PCSK5: variants seen among roughly 807,000 people sequenced by gnomAD.
PCSK5 encodes the protein proprotein convertase subtilisin/kexin type 5.
PCSK5 carries 129 observed loss-of-function variants against 233.2 expected under a neutral mutation model. The observed-to-expected ratio is 0.55, with a 90% CI of 0.48 to 0.64. The LOEUF is 0.64. Among genes scored for constraint, PCSK5 ranks in the 30% least tolerant of loss-of-function variants. The pLI is 0.00. For synonymous variants in PCSK5, 825 were observed against 879.2 expected (o/e 0.94, Z 1.09); for missense variants, 2,076 against 2,430.1 (o/e 0.85, Z 3.06).
intron 2 of PCSK5, among the ~76,000 whole-genome samples, chr9:75,952,729 T>C (rs1266450051): frequency 6.6e-6 from 1 of 152,218 alleles, no homozygotes; most frequent in Non-Finnish European, 1.5e-5. Context: ...ATGTAGTCTT[T>C]TGAGTCTGCA....
intron 8 of PCSK5, among the ~76,000 whole-genome samples, chr9:76,098,216 T>C (rs1273334121): frequency 6.6e-6 from 1 of 152,244 alleles, no homozygotes; most frequent in African/African-American, 2.4e-5. Context: ...GTCCCCATCT[T>C]TCCCTAATTG....
chr9:76,205,044 A>C, intron 20 of PCSK5: 1 of 508,038 alleles, frequency 2.0e-6, no homozygotes, highest in Admixed American at 2.0e-5. Context: ...CTAAGGGGTT[A>C]TATAACTACC....
intron 34 of PCSK5, among the ~76,000 whole-genome samples, chr9:76,335,116 C>T (rs1254198158): frequency 6.6e-6 from 1 of 152,128 alleles, no homozygotes; most frequent in African/African-American, 2.4e-5. Flanking sequence ...AGGAATGAAG[C>T]TACCTGGCTT....
chr9:76,009,519 C>T (rs891374873), intron 3 of PCSK5, among the ~76,000 whole-genome samples: 9 of 151,102 alleles, frequency 6.0e-5, no homozygotes, highest in South Asian at 2.1e-4. Flanking sequence ...CCCAGCTACT[C>T]GGGAGGCTGA....
At chr9:76,253,514 G>T (rs1826883508) in intron 24 of PCSK5, among the ~76,000 whole-genome samples, 1 of 152,158 alleles carries the variant, frequency 6.6e-6, no homozygotes, top group South Asian at 2.1e-4. Flanking sequence ...GGAAGAACTT[G>T]CAGACATTGT....
chr9:76,021,367 G>GT (rs1483196348), intron 3 of PCSK5, among the ~76,000 whole-genome samples: 1 of 54,528 alleles, frequency 1.8e-5, no homozygotes, highest in Non-Finnish European at 3.7e-5. Flanking sequence ...GTGGGTGTGG[G>GT]TTGGGGGGTG....
intron 35 of PCSK5, among the ~76,000 whole-genome samples, chr9:76,347,698 C>G (rs1830014636): frequency 6.6e-6 from 1 of 150,410 alleles, no homozygotes; most frequent in Non-Finnish European, 1.5e-5. Context: ...CAAGACCAGC[C>G]TGGCCAACAT....
intron 29 of PCSK5, 40 bp from the exon 30 acceptor site, chr9:76,310,616 T>C (rs1342882082): frequency 1.5e-6 from 2 of 1,354,582 alleles, no homozygotes; most frequent in Non-Finnish European, 2.0e-6. Flanking sequence ...GAAAACCACA[T>C]GATGACTATT....
chr9:76,167,128 A>G (rs578083023), intron 12 of PCSK5, among the ~76,000 whole-genome samples: 2 of 152,304 alleles, frequency 1.3e-5, no homozygotes, highest in African/African-American at 4.8e-5. Context: ...AAAAGCTACC[A>G]TCTTCATCCT....
At chr9:76,320,503 C>T (rs1378658309) in intron 30 of PCSK5, among the ~76,000 whole-genome samples, 2 of 100,232 alleles carry the variant, frequency 2.0e-5, no homozygotes, top group African/African-American at 4.1e-5. Context: ...GAATCTCGCT[C>T]TGTTATCTAG....
chr9:76,333,158 A>G (rs1430374412), intron 34 of PCSK5, among the ~76,000 whole-genome samples: 1 of 152,234 alleles, frequency 6.6e-6, no homozygotes, highest in African/African-American at 2.4e-5. Flanking sequence ...AGCCTCAGTG[A>G]CAGAGCAAGA....
At chr9:75,914,217 ATCATAAAGGGC>A (rs1564078317) in intron 1 of PCSK5, among the ~76,000 whole-genome samples, 2 of 152,306 alleles carry the variant, frequency 1.3e-5, no homozygotes, top group Admixed American at 6.5e-5. Flanking sequence ...CTTGAGTGTT[ATCATAAAGGGC>A]TCTGAGATGT....
At chr9:76,033,776 C>T (rs1380039910) in intron 5 of PCSK5, among the ~76,000 whole-genome samples, 2 of 152,078 alleles carry the variant, frequency 1.3e-5, no homozygotes, top group Non-Finnish European at 2.9e-5. Context: ...CTTGCTGTGT[C>T]CTCACATGGT....
chr9:76,170,931 G>A (rs980132438), intron 13 of PCSK5, among the ~76,000 whole-genome samples: 2 of 152,118 alleles, frequency 1.3e-5, no homozygotes, highest in Admixed American at 6.5e-5. Flanking sequence ...CCCTAGTTCT[G>A]TAATGAGGTT....
intron 9 of PCSK5, among the ~76,000 whole-genome samples, chr9:76,113,902 G>A (rs890767919): frequency 1.3e-5 from 2 of 152,116 alleles, no homozygotes; most frequent in Non-Finnish European, 2.9e-5. Context: ...AGGTAAAATT[G>A]CAGAGGGCAT....
chr9:76,000,272 A>G (rs1438341678), intron 3 of PCSK5, among the ~76,000 whole-genome samples: 1 of 152,140 alleles, frequency 6.6e-6, no homozygotes, highest in Admixed American at 6.5e-5. Context: ...TCTATCCCTG[A>G]TATTATCAAT....
In PCSK5 at chr9:76,107,364, C is replaced by G. The variant is rs1832019475; in HGVS notation, c.1208+13C>G. ...CCCTGGAAGCCAAGTAAGCCTTGAT[C>G]TCTATATGTCTTCAATGGTGACAAC... On this transcript the variant is annotated intron_variant, in intron 9 of 37. Coordinates refer to ENST00000674117, the MANE Select transcript of PCSK5 (RefSeq NM_001372043.1). 6.4e-7 allele frequency: 1 copy of G among 1,563,630 alleles called. No homozygotes were observed. Among genetic ancestry groups the G allele is most frequent in the Non-Finnish European group, 8.8e-7 (1 of 1,135,412 alleles).
intron 12 of PCSK5, among the ~76,000 whole-genome samples, chr9:76,163,415 G>T (rs1368499196): frequency 6.6e-6 from 1 of 152,226 alleles, no homozygotes; most frequent in Admixed American, 6.5e-5. Context: ...AAGGCACTCA[G>T]CAGCATTCAG....
At chr9:75,938,338 A>G (rs1268374949) in intron 2 of PCSK5, among the ~76,000 whole-genome samples, 2 of 152,232 alleles carry the variant, frequency 1.3e-5, no homozygotes, top group Non-Finnish European at 2.9e-5. Context: ...AGTCTAGAGC[A>G]GTCAGAACAA....
Sources: allele counts gnomAD v4.1 joint callset (sites outside exome capture counted in the v4.1 genomes callset), GRCh38; gene constraint gnomAD v4.1.1; transcripts MANE v1.5; gene names NCBI Gene and HGNC (gene_info 2026-07-23, HGNC 2026-07-21).